RNF220: variants seen among roughly 807,000 people sequenced by gnomAD.
RNF220 encodes the protein E3 ubiquitin-protein ligase RNF220.
RNF220 carries 7 observed loss-of-function variants against 67.1 expected under a neutral mutation model. The observed-to-expected ratio is 0.10, with a 90% CI of 0.06 to 0.20. The LOEUF is 0.20. RNF220 is among the 10% of genes least tolerant of loss of function. The probability of loss-of-function intolerance (pLI) is 1.00; values close to 1 mark genes in which losing one functional copy is unlikely to be tolerated. For missense variants in RNF220, 565 were observed against 740.3 expected, an observed-to-expected ratio of 0.76 and a Z score of 2.75; for synonymous variants, 270 against 283.2, an observed-to-expected ratio of 0.95 and a Z score of 0.47.
intron 2 of RNF220, among the ~76,000 whole-genome samples, chr1:44,599,391 G>A (rs1407170247): frequency 6.6e-6 from 1 of 152,188 alleles, no homozygotes; most frequent in African/African-American, 2.4e-5. Context: ...GAATAAATAG[G>A]GTCAGGCGCG....
At chr1:44,415,504 T>TACAC (rs386366838) in intron 2 of RNF220, among the ~76,000 whole-genome samples, 22 of 150,856 alleles carry the variant, frequency 1.5e-4, no homozygotes, top group East Asian at 7.8e-4. Flanking sequence ...ATGGTTGATA[T>TACAC]ACACACACAC....
Position 44,651,244 on chromosome 1 carries a change from T to C in RNF220, c.*469T>C, listed in dbSNP as rs1354419442. On this transcript the variant is annotated 3_prime_UTR_variant, in exon 15 of 15. Coordinates refer to ENST00000361799, the MANE Select transcript of RNF220 (RefSeq NM_018150.4). ...TTGGTTGTATGATTTTCTTCTTTTT[T>C]AAGAACCCCTGGAAGCAGCGCCTCC... 3 of 184,726 alleles carry C rather than the reference T, an allele frequency of 1.6e-5. No individual in the cohort carries two copies. The highest frequency in any genetic ancestry group is 6.9e-5 in the African/African-American group (3 of 43,188). 11.4% of individuals were successfully genotyped at this position (184,726 alleles called of 1,614,324 possible). A position where few individuals can be genotyped will look rare whatever the true frequency, so the allele number is the denominator to read the frequency against.
At chr1:44,560,227 C>T (rs917563796) in intron 2 of RNF220, among the ~76,000 whole-genome samples, 2 of 152,162 alleles carry the variant, frequency 1.3e-5, no homozygotes, top group African/African-American at 2.4e-5. Flanking sequence ...TTGATAAGCT[C>T]TAGATGGTGG....
chr1:44,635,631 G>A (rs1417853391), intron 7 of RNF220, 43 bp downstream of exon 7: 1 of 1,614,174 alleles, frequency 6.2e-7, no homozygotes, highest in Admixed American at 1.7e-5. Context: ...ATCGGAGCAG[G>A]AGATGAGTAG....
At chr1:44,478,839 A>G (rs1351801708) in intron 2 of RNF220, among the ~76,000 whole-genome samples, 1 of 152,182 alleles carries the variant, frequency 6.6e-6, no homozygotes, top group Non-Finnish European at 1.5e-5. Flanking sequence ...ATGCTCTCTG[A>G]TTAGGCTCTG....
intron 2 of RNF220, among the ~76,000 whole-genome samples, chr1:44,538,895 G>A (rs569302314): frequency 4.3e-5 from 6 of 138,374 alleles, no homozygotes; most frequent in Non-Finnish European, 9.2e-5. Context: ...CAGCCTGGGC[G>A]ACAGAGTGAG....
At chr1:44,592,230 A>G (rs1447564902) in intron 2 of RNF220, among the ~76,000 whole-genome samples, 1 of 152,090 alleles carries the variant, frequency 6.6e-6, no homozygotes, top group Non-Finnish European at 1.5e-5. Context: ...CCGCAGCACC[A>G]CTCTGTGCTT....
In RNF220 at chr1:44,527,925, C is replaced by CAAAAAAAAAAAAA. The variant is rs56409207; in HGVS notation, c.626-86226_626-86214dup. On this transcript the variant is annotated intron_variant, in intron 2 of 14. Coordinates refer to ENST00000361799, the MANE Select transcript of RNF220 (RefSeq NM_018150.4). ...TGGGTGACAGAGCAAGACTCCATCC[C>CAAAAAAAAAAAAA]AAAAAAAAAAAAAAAAAAAAAAAAA... Among the ~76,000 whole-genome samples, 97 of 56,166 alleles carry CAAAAAAAAAAAAA rather than the reference C, an allele frequency of 1.7e-3. 29 individuals carry two copies. The highest frequency in any genetic ancestry group is 2.5e-3 in the African/African-American group (25 of 9,842). The allele number at this position is 56,166 out of a possible 152,430, so 36.8% of individuals were successfully genotyped here. A position where few individuals can be genotyped will look rare whatever the true frequency, so the allele number is the denominator to read the frequency against.
chr1:44,531,222 G>T (rs1384365063), intron 2 of RNF220, among the ~76,000 whole-genome samples: 1 of 152,138 alleles, frequency 6.6e-6, no homozygotes, highest in Non-Finnish European at 1.5e-5. Context: ...TCCTCCAGAA[G>T]TTTCACTAAG....
chr1:44,542,758 G>C (rs1661775882), intron 2 of RNF220, among the ~76,000 whole-genome samples: 2 of 152,220 alleles, frequency 1.3e-5, no homozygotes, highest in South Asian at 4.1e-4. Context: ...AGGGAGCCCA[G>C]CCTTGGGACG....
intron 2 of RNF220, among the ~76,000 whole-genome samples, chr1:44,527,723 C>T (rs1046640317): frequency 1.3e-5 from 2 of 151,664 alleles, no homozygotes; most frequent in Non-Finnish European, 2.9e-5. Flanking sequence ...GGCAGGAGTT[C>T]GAGACCAGCC....
At chr1:44,609,003 T>C (rs1341443473) in intron 2 of RNF220, among the ~76,000 whole-genome samples, 1 of 152,238 alleles carries the variant, frequency 6.6e-6, no homozygotes, top group Non-Finnish European at 1.5e-5. Context: ...TAGATATCAT[T>C]ATCCCCATTT....
intron 2 of RNF220, among the ~76,000 whole-genome samples, chr1:44,496,736 T>G (rs1206412091): frequency 2.0e-5 from 3 of 152,146 alleles, no homozygotes; most frequent in Non-Finnish European, 4.4e-5. Flanking sequence ...GCACAGCTCT[T>G]CTCTAGCTCT....
intron 2 of RNF220, among the ~76,000 whole-genome samples, chr1:44,501,210 G>T (rs1251384259): frequency 6.6e-6 from 1 of 151,702 alleles, no homozygotes; most frequent in African/African-American, 2.4e-5. Context: ...TACATTGCTG[G>T]GGGTGGGGAG....
At chr1:44,556,578 T>C (rs1663101133) in intron 2 of RNF220, among the ~76,000 whole-genome samples, 1 of 143,882 alleles carries the variant, frequency 7.0e-6, no homozygotes. Context: ...CTTTTTTTTT[T>C]TGACAGAGTC....
In RNF220 at chr1:44,644,743, A is replaced by G; in HGVS notation, c.1172A>G (p.Asp391Gly). 1 of 1,614,154 alleles carries G rather than the reference A, an allele frequency of 6.2e-7. No individual in the cohort carries two copies. Among genetic ancestry groups the G allele is most frequent in the Non-Finnish European group, 8.5e-7 (1 of 1,180,012 alleles). The change falls in exon 9 of 15, where the codon GAT becomes GGT. Residue 391 changes from aspartate to glycine, a missense_variant. Transcript: ENST00000361799. ...AGCGGCAAAGAGAACCCGGACAGTG[A>G]TGCTGACTTGGATGTGGATGGGGAT... is the stretch of plus-strand genomic sequence containing the variant. ...MCSGKENPDSDADLDVDGDDT... is the reference protein window; with the variant it reads ...MCSGKENPDSGADLDVDGDDT...
At chr1:44,631,820 G>C (rs917992376) in intron 5 of RNF220, 1 of 794,928 alleles carries the variant, frequency 1.3e-6, no homozygotes, top group Non-Finnish European at 1.5e-6. Context: ...TGGGTGGGTA[G>C]GCTTCACGGG....
chr1:44,429,179 A>G (rs1287057452), intron 2 of RNF220, among the ~76,000 whole-genome samples: 1 of 150,842 alleles, frequency 6.6e-6, no homozygotes, highest in Non-Finnish European at 1.5e-5. Flanking sequence ...TTAAAAAAAA[A>G]GCTGGGGGGA....
chr1:44,581,689 G>A (rs1378164075), intron 2 of RNF220, among the ~76,000 whole-genome samples: 2 of 152,204 alleles, frequency 1.3e-5, no homozygotes, highest in African/African-American at 4.8e-5. Context: ...CAAAGGACAT[G>A]AGGGAAGAAA....
Sources: gnomAD v4.1 joint callset for allele counts (sites outside exome capture counted in the v4.1 genomes callset) on GRCh38, gnomAD v4.1.1 for gene constraint, MANE v1.5 for transcripts, NCBI Gene and HGNC (gene_info 2026-07-23, HGNC 2026-07-21) for gene names.